RAPGEF2: variants seen among roughly 807,000 people sequenced by gnomAD.
The protein encoded by RAPGEF2 is Rap guanine nucleotide exchange factor 2.
A neutral mutation model predicts 186.7 loss-of-function variants in RAPGEF2; 54 were observed. The observed-to-expected ratio is 0.29, with a 90% CI of 0.23 to 0.36. The LOEUF is 0.36. Ranked by LOEUF, RAPGEF2 falls within the 10% of genes least tolerant of loss-of-function variation. RAPGEF2 has a pLI of 1.00. For missense variants in RAPGEF2, 1,532 were observed against 2,045.0 expected, an observed-to-expected ratio of 0.75 and a Z score of 4.84; for synonymous variants, 712 against 705.9, an observed-to-expected ratio of 1.01 and a Z score of -0.14.
At chr4:159,167,984 T>TA (rs1669871055) in intron 1 of RAPGEF2, among the ~76,000 whole-genome samples, 1 of 152,242 alleles carries the variant, frequency 6.6e-6, no homozygotes, top group African/African-American at 2.4e-5. Context: ...AAATGAAATT[T>TA]AAAAATAAGG....
At chr4:159,124,519 A>G (rs867915017) in intron 1 of RAPGEF2, among the ~76,000 whole-genome samples, 5 of 152,282 alleles carry the variant, frequency 3.3e-5, no homozygotes, top group Non-Finnish European at 7.3e-5. Flanking sequence ...AGCCTGGGTG[A>G]CAGAGCTAGA....
At chr4:159,251,340 G>A (rs1428473371) in intron 7 of RAPGEF2, among the ~76,000 whole-genome samples, 2 of 152,260 alleles carry the variant, frequency 1.3e-5, no homozygotes, top group African/African-American at 2.4e-5. Context: ...GGGGAGCTCT[G>A]CCCGCGTCCC....
In RAPGEF2 at chr4:159,296,073, T is replaced by A. The variant is rs537172432; in HGVS notation, c.544-8269T>A. On this transcript the variant is annotated intron_variant, in intron 7 of 29. Coordinates refer to ENST00000691494, the MANE Select transcript of RAPGEF2 (RefSeq NM_001394067.2). Reference sequence around the variant, plus strand: ...TTAATAACGAGGCCTGAATATGTGATCTCAGAATTGCAATTACTGGATATT... The same window carrying A: ...TTAATAACGAGGCCTGAATATGTGAACTCAGAATTGCAATTACTGGATATT... Among the ~76,000 whole-genome samples, 31 of 152,284 alleles carry A rather than the reference T, an allele frequency of 2.0e-4. No homozygotes were observed. In the South Asian group the frequency reaches 6.2e-3, roughly 31 times the overall value.
rs1483671053 is a variant in RAPGEF2 at position 159,341,775 on chromosome 4, G to A, written c.2746G>A (p.Ala916Thr). The A allele has an allele frequency of 2.5e-6, 4 of 1,614,000 alleles. No individual in the cohort carries two copies. The highest frequency in any genetic ancestry group is 3.4e-6 in the Non-Finnish European group (4 of 1,179,936). The change falls in exon 20 of 30, where the codon GCC becomes ACC. Residue 916 changes from alanine (A) to threonine (T), a missense_variant. Ala to Thr is a moderately conservative substitution (Grantham distance 58). Around this residue, in one of 4 missense-constraint regions of RAPGEF2, gnomAD observed 810 missense variants for 1,210.5 expected, o/e 0.67. Transcript: ENST00000691494. The part of the protein sequence containing the change: ...LFKLRSKTSC[A>T]NLKRFEEVIN... ...TAAACTCAGATCAAAAACCAGCTGT[G>A]CCAACCTGAAGAGATTTGAAGAAGT...
chr4:159,268,148 T>C lies in RAPGEF2; in HGVS notation c.543+24357T>C, dbSNP rs994246288. The C allele has an allele frequency of 3.1e-6, 5 of 1,613,736 alleles. No homozygotes were observed. The Admixed American group carries it at 5.0e-5, about 16-fold the overall frequency. On this transcript the variant is annotated intron_variant, in intron 7 of 29. Coordinates refer to ENST00000691494, the MANE Select transcript of RAPGEF2 (RefSeq NM_001394067.2). ...GTGTAAATTCAGTTCAGCATATGTTTCTTCATTATGAAACCACTAGCAATC... is the reference window on the plus strand; with the variant it reads ...GTGTAAATTCAGTTCAGCATATGTTCCTTCATTATGAAACCACTAGCAATC...
chr4:159,238,415 T>A (rs976248461), intron 4 of RAPGEF2, among the ~76,000 whole-genome samples: 2 of 152,326 alleles, frequency 1.3e-5, no homozygotes, highest in Non-Finnish European at 2.9e-5. Flanking sequence ...GAGAATTACA[T>A]GTACATGCAT....
At position 159,322,331 on chromosome 4, in the gene RAPGEF2, G is replaced by A. The variant is rs554080846; in HGVS notation, c.854-16G>A. The A allele has an allele frequency of 1.4e-4, 222 of 1,611,594 alleles. 1 individual carries two copies. In the South Asian group the frequency reaches 2.1e-3, roughly 15 times the overall value. ...AAAAGTAGTAGTTTTTACAAAGTATGTCTTTTGCTTTTCAGAACAACTCTT... is the reference window on the plus strand; with the variant it reads ...AAAAGTAGTAGTTTTTACAAAGTATATCTTTTGCTTTTCAGAACAACTCTT... On this transcript the variant is annotated splice_polypyrimidine_tract_variant and intron_variant, in intron 9 of 29. Transcript: ENST00000691494.
intron 9 of RAPGEF2, 126 bp downstream of exon 9, chr4:159,314,894 T>TAAAC: frequency 1.1e-6 from 1 of 910,558 alleles, no homozygotes; most frequent in Non-Finnish European, 1.6e-6. Context: ...TTCCTTTGTA[T>TAAAC]AAACAGTAGT....
chr4:159,199,173 G>T (rs867659497), intron 3 of RAPGEF2, among the ~76,000 whole-genome samples: 1 of 151,730 alleles, frequency 6.6e-6, no homozygotes, highest in Non-Finnish European at 1.5e-5. Context: ...CAACCACCTC[G>T]CCTGTATGTA....
chr4:159,149,950 C>T (rs1743355519), intron 1 of RAPGEF2, among the ~76,000 whole-genome samples: 1 of 152,146 alleles, frequency 6.6e-6, no homozygotes, highest in Non-Finnish European at 1.5e-5. Flanking sequence ...AAAACAGGCA[C>T]AGGTGGAGGT....
intron 7 of RAPGEF2, among the ~76,000 whole-genome samples, chr4:159,279,435 G>C (rs550375881): frequency 6.6e-6 from 1 of 152,272 alleles, no homozygotes; most frequent in East Asian, 1.9e-4. Context: ...TCCTCGAACA[G>C]TTTATTCCTC....
At chr4:159,261,917 G>C (rs919037021) in intron 7 of RAPGEF2, among the ~76,000 whole-genome samples, 1 of 151,996 alleles carries the variant, frequency 6.6e-6, no homozygotes, top group Admixed American at 6.6e-5. Context: ...TATTCATGTA[G>C]GTCTTTATAT....
At chr4:159,267,151 G>A (rs551689393) in intron 7 of RAPGEF2, 13 of 1,275,990 alleles carry the variant, frequency 1.0e-5, no homozygotes, top group Admixed American at 7.0e-5. Flanking sequence ...AGCCTTGCAG[G>A]TTAAGAGACA....
chr4:159,107,775 G>A lies in RAPGEF2; in HGVS notation c.69+3544G>A, dbSNP rs575854607. ...TTTAGCTCAGAGAACTGTAAATTAT[G>A]AGAAACGGCATGAAAGAATATCTCT... On this transcript the variant is annotated intron_variant, in intron 1 of 29. Transcript: ENST00000691494. 4.6e-5 allele frequency among the ~76,000 whole-genome samples: 7 copies of A among 152,284 alleles called. No individual in the cohort carries two copies. The East Asian group carries it at 1.2e-3, about 25-fold the overall frequency.
intron 7 of RAPGEF2, among the ~76,000 whole-genome samples, chr4:159,264,712 C>G (rs1757236566): frequency 6.6e-6 from 1 of 152,084 alleles, no homozygotes; most frequent in African/African-American, 2.4e-5. Context: ...TTTTGATCTT[C>G]CCAAGTTAAA....
At position 159,341,981 on chromosome 4, in the gene RAPGEF2, C is replaced by T. The variant is rs188876989; in HGVS notation, c.2918+34C>T. 3.6e-5 allele frequency: 56 copies of T among 1,536,258 alleles called. No homozygotes were observed. In the African/African-American group the frequency reaches 6.9e-4, roughly 19 times the overall value. On this transcript the variant is annotated intron_variant, in intron 20 of 29. Coordinates refer to ENST00000691494, the MANE Select transcript of RAPGEF2 (RefSeq NM_001394067.2). ...GCACATTTTTTCTTAAGATTCAGTT[C>T]AGTTCACAGATTTAAAATATGTATC...
intron 1 of RAPGEF2, among the ~76,000 whole-genome samples, chr4:159,164,856 G>A (rs557955061): frequency 3.9e-5 from 6 of 152,132 alleles, no homozygotes; most frequent in Non-Finnish European, 8.8e-5. Context: ...GCTTTCCAGC[G>A]TATTTTGTGA....
intron 1 of RAPGEF2, among the ~76,000 whole-genome samples, chr4:159,107,681 ACTTAATT>A (rs1309186072): frequency 1.3e-5 from 2 of 152,008 alleles, no homozygotes; most frequent in Non-Finnish European, 2.9e-5. Flanking sequence ...AGAATACAGG[ACTTAATT>A]CATTGCTAAG....
chr4:159,251,183 C>T (rs1181463016), intron 7 of RAPGEF2, among the ~76,000 whole-genome samples: 5 of 152,328 alleles, frequency 3.3e-5, no homozygotes, highest in East Asian at 1.9e-4. Context: ...GGGCAGGGCT[C>T]GGGACCTGCA....
Sources: allele counts gnomAD v4.1 joint callset (sites outside exome capture counted in the v4.1 genomes callset), GRCh38; gene constraint gnomAD v4.1.1; regional missense constraint gnomAD v4.1.1; transcripts MANE v1.5; gene names NCBI Gene and HGNC (gene_info 2026-07-23, HGNC 2026-07-21).